The following TESC variants were observed in gnomAD, a reference collection of about 807,000 sequenced individuals.
The protein encoded by TESC is calcineurin B homologous protein 3.
Under a neutral mutation model 31.0 loss-of-function variants are expected in TESC, and 19 were observed. The ratio of observed to expected loss-of-function variants is 0.61; its 90% CI spans 0.43 to 0.90. TESC has a LOEUF of 0.90. Among genes scored for constraint, TESC ranks in the 40% least tolerant of loss-of-function variants. The pLI is 0.00. For missense variants in TESC, 248 were observed against 303.8 expected, an observed-to-expected ratio of 0.82 and a Z score of 1.36; for synonymous variants, 109 against 114.8, an observed-to-expected ratio of 0.95 and a Z score of 0.32.
chr12:117,089,103 G>C (rs546345136), intron 1 of TESC, among the ~76,000 whole-genome samples: 1 of 152,282 alleles, frequency 6.6e-6, no homozygotes, highest in South Asian at 2.1e-4. Context: ...AGAATAATAA[G>C]ACAGCCATCT....
chr12:117,064,521 C>A (rs957078548), intron 2 of TESC, among the ~76,000 whole-genome samples: 1 of 152,172 alleles, frequency 6.6e-6, no homozygotes, highest in East Asian at 1.9e-4. Context: ...AGCAACTCAG[C>A]GACAAGCATT....
At chr12:117,080,318 A>G (rs1263636226) in intron 1 of TESC, among the ~76,000 whole-genome samples, 1 of 152,036 alleles carries the variant, frequency 6.6e-6, no homozygotes, top group East Asian at 1.9e-4. Context: ...AAATGCAAAA[A>G]TCAGCCAGGC....
intron 2 of TESC, among the ~76,000 whole-genome samples, chr12:117,059,117 G>A (rs146916003): frequency 3.7e-4 from 57 of 152,350 alleles, no homozygotes; most frequent in South Asian, 1.0e-3. Flanking sequence ...AAGTGATGAC[G>A]GGACAGTCAT....
chr12:117,062,332 G>A (rs1282840703), intron 2 of TESC, among the ~76,000 whole-genome samples: 1 of 151,760 alleles, frequency 6.6e-6, no homozygotes, highest in African/African-American at 2.4e-5. Flanking sequence ...AGTGATTCTT[G>A]TACCTCAGCC....
At chr12:117,072,517 T>C (rs1262482878) in intron 2 of TESC, among the ~76,000 whole-genome samples, 2 of 152,232 alleles carry the variant, frequency 1.3e-5, no homozygotes, top group African/African-American at 4.8e-5. Context: ...CTAATACAGT[T>C]GGACTCCGAA....
chr12:117,076,554 G>A (rs1033081190), intron 1 of TESC, among the ~76,000 whole-genome samples: 5 of 151,242 alleles, frequency 3.3e-5, no homozygotes, highest in East Asian at 2.0e-4. Flanking sequence ...AGCGATTCTC[G>A]CGCCCCAGCC....
intron 1 of TESC, among the ~76,000 whole-genome samples, chr12:117,086,046 C>A (rs1363681835): frequency 6.6e-6 from 1 of 152,128 alleles, no homozygotes; most frequent in African/African-American, 2.4e-5. Flanking sequence ...ACAAGGCCAG[C>A]CTACTGCAGG....
At chr12:117,070,711 T>A (rs1387768608) in intron 2 of TESC, among the ~76,000 whole-genome samples, 2 of 152,170 alleles carry the variant, frequency 1.3e-5, no homozygotes, top group Admixed American at 6.5e-5. Context: ...CTTTCCCATC[T>A]GTAAAATGGG....
chr12:117,058,772 A>AG (rs1179475353), intron 2 of TESC, among the ~76,000 whole-genome samples: 1 of 151,136 alleles, frequency 6.6e-6, no homozygotes, highest in Non-Finnish European at 1.5e-5. Flanking sequence ...AGGCAAAAAA[A>AG]GCTTGGCTGG....
chr12:117,050,796 G>A (rs766957914), intron 3 of TESC, among the ~76,000 whole-genome samples: 1 of 152,152 alleles, frequency 6.6e-6, no homozygotes, highest in Admixed American at 6.6e-5. Context: ...GCGGTGGTGT[G>A]CACCTGTAGT....
At chr12:117,042,182 T>A (rs1954494156) in intron 6 of TESC, among the ~76,000 whole-genome samples, 188 bp from the exon 7 acceptor site, 1 of 152,220 alleles carries the variant, frequency 6.6e-6, no homozygotes, top group South Asian at 2.1e-4. Context: ...CCGGTCACCC[T>A]GAACCTCCAA....
chr12:117,046,279 G>C (rs1007623022), intron 6 of TESC, among the ~76,000 whole-genome samples: 2 of 152,218 alleles, frequency 1.3e-5, no homozygotes, highest in South Asian at 4.1e-4. Context: ...ACTGACTGAG[G>C]CCGGGGTGGG....
In TESC at chr12:117,044,798, G is replaced by A. The variant is rs577205899; in HGVS notation, c.519+1761C>T. ...TGTAATTCCAGCTACTCGGGAGGCT[G>A]AGGCAGGAGAATCACTTGAACTCAG... is the stretch of plus-strand genomic sequence containing the variant. On this transcript the variant is annotated intron_variant, in intron 6 of 7. Coordinates refer to ENST00000335209, the MANE Select transcript of TESC (RefSeq NM_017899.4). 2.9e-4 allele frequency among the ~76,000 whole-genome samples: 44 copies of A among 152,316 alleles called. No individual in the cohort carries two copies. In the East Asian group the frequency reaches 7.0e-3, roughly 24 times the overall value.
intron 2 of TESC, among the ~76,000 whole-genome samples, chr12:117,060,129 G>A (rs1196493326): frequency 6.6e-6 from 1 of 152,042 alleles, no homozygotes; most frequent in African/African-American, 2.4e-5. Context: ...TTTTCAATGG[G>A]CGAATTTTAT....
At chr12:117,071,788 C>G (rs1424741924) in intron 2 of TESC, among the ~76,000 whole-genome samples, 1 of 152,100 alleles carries the variant, frequency 6.6e-6, no homozygotes, top group Non-Finnish European at 1.5e-5. Context: ...AGGTAGGAGT[C>G]CGGCGCCATC....
intron 1 of TESC, among the ~76,000 whole-genome samples, chr12:117,093,684 G>T (rs1487342398): frequency 6.6e-6 from 1 of 152,326 alleles, no homozygotes; most frequent in East Asian, 1.9e-4. Context: ...CAGCTACTGC[G>T]GATACGCTGC....
chr12:117,044,325 A>T (rs890538080), intron 6 of TESC, among the ~76,000 whole-genome samples: 2 of 151,998 alleles, frequency 1.3e-5, no homozygotes, highest in South Asian at 4.1e-4. Flanking sequence ...GTTCTCGGCT[A>T]GCCTGGGCCA....
chr12:117,046,942 T>A, intron 4 of TESC, 104 bp from the exon 5 acceptor site: 1 of 1,259,730 alleles, frequency 7.9e-7, no homozygotes, highest in Non-Finnish European at 1.1e-6. Context: ...TAACCAAACC[T>A]CAATGCCAAA....
At chr12:117,079,503 A>C (rs1330937236) in intron 1 of TESC, among the ~76,000 whole-genome samples, 1 of 151,972 alleles carries the variant, frequency 6.6e-6, no homozygotes, top group Non-Finnish European at 1.5e-5. Context: ...CGGAGGTTGC[A>C]GTGAGCCAAG....
Sources: gnomAD v4.1 joint callset for allele counts (sites outside exome capture counted in the v4.1 genomes callset) on GRCh38, gnomAD v4.1.1 for gene constraint, MANE v1.5 for transcripts, NCBI Gene and HGNC (gene_info 2026-07-23, HGNC 2026-07-21) for gene names.